MPPED2: variants seen among roughly 807,000 people sequenced by gnomAD.
MPPED2 encodes metallophosphoesterase domain containing 2, also known as metallophosphoesterase MPPED2.
A neutral mutation model predicts 33.0 loss-of-function variants in MPPED2; 5 were observed. The ratio of observed to expected loss-of-function variants is 0.15; its 90% CI spans 0.08 to 0.32. The LOEUF (loss-of-function observed/expected upper bound fraction) is 0.32, where lower values mean the gene tolerates loss of function less well. Among genes scored for constraint, MPPED2 ranks in the 10% least tolerant of loss-of-function variants. The pLI, the probability that MPPED2 is intolerant of heterozygous loss-of-function variation, is 1.00. For synonymous variants in MPPED2, 136 were observed against 141.9 expected (o/e 0.96, Z 0.29); for missense variants, 275 against 372.1 (o/e 0.74, Z 2.15).
chr11:30,434,551 C>T (rs577772158), intron 4 of MPPED2, among the ~76,000 whole-genome samples: 1 of 152,284 alleles, frequency 6.6e-6, no homozygotes, highest in Non-Finnish European at 1.5e-5. Flanking sequence ...TAATTTAAAT[C>T]ACAATTTTCA....
chr11:30,495,519 T>C lies in MPPED2; in HGVS notation c.313A>G (p.Asn105Asp). 1 of 1,612,138 alleles carries C rather than the reference T, an allele frequency of 6.2e-7. No homozygotes were observed. The highest frequency in any genetic ancestry group is 1.1e-5 in the South Asian group (1 of 91,004). Residue 105 changes from asparagine (N) to aspartate (D), a missense_variant and splice_region_variant, in exon 4 of 7, where the codon AAC becomes GAC. Physicochemically the swap from Asn to Asp is conservative, Grantham distance 23. Coordinates refer to ENST00000358117, the MANE Select transcript of MPPED2 (RefSeq NM_001584.3). ...EVKKFNDWLGNLPYEYKIVIA... is the reference protein window; with the variant it reads ...EVKKFNDWLGDLPYEYKIVIA... ...ACTATTTTATATTCATATGGCAGGT[T>C]TCCTGAAATAAGAAAAAAGAGCACC...
At chr11:30,451,740 T>C (rs1210891491) in intron 4 of MPPED2, 3 of 982,248 alleles carry the variant, frequency 3.1e-6, no homozygotes, top group Non-Finnish European at 3.6e-6. Context: ...TTTTCTGCTG[T>C]AGGACTCATT....
At chr11:30,575,412 A>G (rs1956886814) in intron 2 of MPPED2, among the ~76,000 whole-genome samples, 1 of 152,172 alleles carries the variant, frequency 6.6e-6, no homozygotes, top group Admixed American at 6.5e-5. Context: ...CAACCATATT[A>G]AAGGGTCATT....
At chr11:30,541,605 C>T (rs1222306) in intron 2 of MPPED2, among the ~76,000 whole-genome samples, 84,084 of 151,988 alleles carry the variant, frequency 0.55, 23,346 homozygotes, top group South Asian at 0.63. Flanking sequence ...GGTTTTCTTA[C>T]TTTTGTTTTT....
Position 30,580,416 on chromosome 11 carries a change from C to T in MPPED2, c.-43G>A, listed in dbSNP as rs768212617. Reference sequence around the variant, plus strand: ...ATGAGCAATTCACAACTTTACAGAGCAAAAGATGGAAGCAGGCATGGTGCG... The same window carrying T: ...ATGAGCAATTCACAACTTTACAGAGTAAAAGATGGAAGCAGGCATGGTGCG... On this transcript the variant is annotated 5_prime_UTR_variant, in exon 2 of 7. Coordinates refer to ENST00000358117, the MANE Select transcript of MPPED2 (RefSeq NM_001584.3). 1.2e-6 allele frequency: 2 copies of T among 1,606,282 alleles called. No individual in the cohort carries two copies. Among genetic ancestry groups the T allele is most frequent in the South Asian group, 2.2e-5 (2 of 90,124 alleles).
At chr11:30,522,875 C>T (rs2085612) in intron 3 of MPPED2, among the ~76,000 whole-genome samples, 37,233 of 152,118 alleles carry the variant, frequency 0.24, 4,653 homozygotes, top group Middle Eastern at 0.33. Context: ...GCACATAACG[C>T]CACATTGACA....
At chr11:30,468,767 A>C (rs373332809) in intron 4 of MPPED2, among the ~76,000 whole-genome samples, 3 of 152,158 alleles carry the variant, frequency 2.0e-5, no homozygotes, top group Non-Finnish European at 4.4e-5. Flanking sequence ...ATCTTCAATG[A>C]TTACACAACA....
At chr11:30,568,920 T>G (rs994688265) in intron 2 of MPPED2, among the ~76,000 whole-genome samples, 1 of 151,118 alleles carries the variant, frequency 6.6e-6, no homozygotes, top group Admixed American at 6.6e-5. Context: ...AAAGGGCTCA[T>G]TTTTTTTTGT....
intron 2 of MPPED2, among the ~76,000 whole-genome samples, chr11:30,538,044 C>G (rs1486898451): frequency 1.3e-5 from 2 of 152,048 alleles, no homozygotes; most frequent in African/African-American, 4.8e-5. Flanking sequence ...GTGTCACTCT[C>G]TAAAAGTGAT....
At chr11:30,540,076 G>T (rs1469258898) in intron 2 of MPPED2, among the ~76,000 whole-genome samples, 1 of 152,134 alleles carries the variant, frequency 6.6e-6, no homozygotes, top group East Asian at 1.9e-4. Flanking sequence ...CAAAGACTTT[G>T]GCCTGGAACC....
intron 4 of MPPED2, among the ~76,000 whole-genome samples, chr11:30,432,926 T>C (rs966028455): frequency 2.6e-5 from 4 of 152,202 alleles, no homozygotes; most frequent in Non-Finnish European, 1.5e-5. Flanking sequence ...TATGATAACA[T>C]ACAATGTTAG....
intron 4 of MPPED2, among the ~76,000 whole-genome samples, chr11:30,458,866 T>A (rs1950392435): frequency 6.7e-6 from 1 of 149,914 alleles, no homozygotes; most frequent in Non-Finnish European, 1.5e-5. Context: ...ACTACGGACA[T>A]CTAGAGACTA....
chr11:30,493,268 G>A (rs1266822871), intron 4 of MPPED2, among the ~76,000 whole-genome samples: 2 of 151,832 alleles, frequency 1.3e-5, no homozygotes, highest in Non-Finnish European at 2.9e-5. Context: ...CTACTCGGGA[G>A]GCTGAGGCAG....
At chr11:30,548,316 G>A (rs1955534862) in intron 2 of MPPED2, among the ~76,000 whole-genome samples, 1 of 151,974 alleles carries the variant, frequency 6.6e-6, no homozygotes, top group African/African-American at 2.4e-5. Flanking sequence ...TGGGTTCCAG[G>A]GATTCTCCCA....
intron 2 of MPPED2, among the ~76,000 whole-genome samples, chr11:30,539,420 C>T (rs1338496464): frequency 1.3e-5 from 2 of 152,036 alleles, no homozygotes; most frequent in African/African-American, 2.4e-5. Flanking sequence ...GATATTTGCA[C>T]ATATGTTTGA....
chr11:30,573,760 C>G (rs1001319483), intron 2 of MPPED2, among the ~76,000 whole-genome samples: 1 of 152,160 alleles, frequency 6.6e-6, no homozygotes, highest in Admixed American at 6.5e-5. Context: ...GATTTTAGTG[C>G]ACCCATCACC....
At chr11:30,493,370 C>CAAAA (rs751635120) in intron 4 of MPPED2, among the ~76,000 whole-genome samples, 2 of 72,202 alleles carry the variant, frequency 2.8e-5, no homozygotes, top group Admixed American at 1.6e-4. Flanking sequence ...GACTCCGTCT[C>CAAAA]AAAAAAAAAA....
chr11:30,446,386 T>C (rs1565075468), intron 4 of MPPED2, among the ~76,000 whole-genome samples: 1 of 152,220 alleles, frequency 6.6e-6, no homozygotes, highest in Non-Finnish European at 1.5e-5. Flanking sequence ...TTATTTTTCT[T>C]TGGAGGAAGA....
intron 3 of MPPED2, among the ~76,000 whole-genome samples, chr11:30,534,611 A>G (rs1008705485): frequency 5.3e-5 from 8 of 152,210 alleles, no homozygotes; most frequent in African/African-American, 1.9e-4. Flanking sequence ...TAGTACCTAT[A>G]CATTCATTCA....
Sources: gnomAD v4.1 joint callset for allele counts (sites outside exome capture counted in the v4.1 genomes callset) on GRCh38, gnomAD v4.1.1 for gene constraint, MANE v1.5 for transcripts, NCBI Gene and HGNC (gene_info 2026-07-23, HGNC 2026-07-21) for gene names.